MAD1L1: variants seen among roughly 807,000 people sequenced by gnomAD.
The protein encoded by MAD1L1 is mitotic spindle assembly checkpoint protein MAD1.
In MAD1L1, 95 loss-of-function variants were observed where a neutral mutation model predicts 96.9. The observed-to-expected ratio is 0.98, with a 90% CI of 0.83 to 1.16. The LOEUF is 1.16. MAD1L1 is among the 50% of genes most tolerant of loss of function. MAD1L1 has a pLI of 0.00. For synonymous variants in MAD1L1, 473 were observed against 396.6 expected, an observed-to-expected ratio of 1.19 and a Z score of -2.29; for missense variants, 1,007 against 954.4, an observed-to-expected ratio of 1.06 and a Z score of -0.73.
chr7:2,037,188 GTCT>G (rs1464741276), intron 12 of MAD1L1, among the ~76,000 whole-genome samples: 1 of 150,036 alleles, frequency 6.7e-6, no homozygotes, highest in Non-Finnish European at 1.5e-5. Flanking sequence ...CTCCTTCTTT[GTCT>G]TCTTAATAGA....
chr7:2,007,686 G>A (rs1442945703), intron 13 of MAD1L1, among the ~76,000 whole-genome samples: 1 of 151,968 alleles, frequency 6.6e-6, no homozygotes, highest in African/African-American at 2.4e-5. Flanking sequence ...CACTGTCCCC[G>A]CCAAAAAAAG....
chr7:2,019,668 C>T (rs557785440), intron 12 of MAD1L1, among the ~76,000 whole-genome samples: 1 of 152,234 alleles, frequency 6.6e-6, no homozygotes, highest in Admixed American at 6.5e-5. Context: ...AGCCACCCCC[C>T]ACACAAGGCC....
chr7:2,162,722 A>AC (rs1790222359), intron 10 of MAD1L1, among the ~76,000 whole-genome samples: 1 of 151,914 alleles, frequency 6.6e-6, no homozygotes, highest in Admixed American at 6.5e-5. Flanking sequence ...AAAAAAAAAA[A>AC]AAAACGTAAT....
rs1263411500 is a variant in MAD1L1 at position 1,829,344 on chromosome 7, G to A, written c.1999-13116C>T. ...CTCCCACCCTGGTTCTCAGAGCTCT[G>A]ACCCGCCAGCTGCCATGCGTGAGCG... is the stretch of plus-strand genomic sequence containing the variant. On this transcript the variant is annotated intron_variant, in intron 18 of 18. Coordinates refer to ENST00000265854, the MANE Select transcript of MAD1L1 (RefSeq NM_001013836.2). 5 of 152,428 alleles carry A rather than the reference G, an allele frequency of 3.3e-5. No individual in the cohort carries two copies. In the East Asian group the frequency reaches 9.6e-4, roughly 29 times the overall value. 9.4% of individuals were successfully genotyped at this position (152,428 alleles called of 1,614,324 possible).
intron 12 of MAD1L1, among the ~76,000 whole-genome samples, chr7:2,015,078 A>G (rs955008445): frequency 6.6e-6 from 1 of 152,148 alleles, no homozygotes; most frequent in South Asian, 2.1e-4. Context: ...TCCCAGTCAC[A>G]CTGGGCCCAG....
At chr7:2,108,171 A>T (rs1019727708) in intron 11 of MAD1L1, among the ~76,000 whole-genome samples, 3 of 152,248 alleles carry the variant, frequency 2.0e-5, no homozygotes, top group African/African-American at 7.2e-5. Flanking sequence ...GCTGTAGCAA[A>T]TGAATTCCGG....
chr7:1,926,649 T>C (rs983619738), intron 17 of MAD1L1, among the ~76,000 whole-genome samples: 2 of 152,218 alleles, frequency 1.3e-5, no homozygotes, highest in African/African-American at 4.8e-5. Context: ...TCCCATCAAT[T>C]GATGCAGGAA....
chr7:2,064,309 C>T (rs1321531076), intron 12 of MAD1L1, among the ~76,000 whole-genome samples: 1 of 152,294 alleles, frequency 6.6e-6, no homozygotes, highest in South Asian at 2.1e-4. Context: ...GGCACAGAAA[C>T]GACCCCCAAG....
At chr7:2,159,731 C>T (rs1050073282) in intron 10 of MAD1L1, among the ~76,000 whole-genome samples, 8 of 152,214 alleles carry the variant, frequency 5.3e-5, no homozygotes, top group East Asian at 1.9e-4. Flanking sequence ...ATTAAAAGTT[C>T]GGTATAACAG....
intron 16 of MAD1L1, among the ~76,000 whole-genome samples, chr7:1,955,750 A>G (rs79937266): frequency 4.6e-5 from 7 of 152,092 alleles, no homozygotes; most frequent in African/African-American, 1.4e-4. Context: ...GATGTTGCCT[A>G]CTGGTTGTTG....
chr7:1,908,827 T>C (rs751864402), intron 17 of MAD1L1, among the ~76,000 whole-genome samples: 2 of 152,116 alleles, frequency 1.3e-5, no homozygotes, highest in Non-Finnish European at 2.9e-5. Context: ...TCCCCCAGCA[T>C]GCATTTCTCT....
At chr7:1,869,977 G>GCCCGTGCCTCC (rs1463455781) in intron 18 of MAD1L1, among the ~76,000 whole-genome samples, 9 of 152,122 alleles carry the variant, frequency 5.9e-5, no homozygotes, top group Non-Finnish European at 1.2e-4. Flanking sequence ...GGGGTGCCTC[G>GCCCGTGCCTCC]CCCGTGCCTC....
intron 17 of MAD1L1, among the ~76,000 whole-genome samples, chr7:1,912,577 G>A (rs1326647560): frequency 6.6e-6 from 1 of 152,166 alleles, no homozygotes; most frequent in Non-Finnish European, 1.5e-5. Context: ...GAGCCACCGG[G>A]ACCCTGTGCT....
At chr7:2,211,992 T>C (rs568843206) in intron 10 of MAD1L1, among the ~76,000 whole-genome samples, 1 of 152,290 alleles carries the variant, frequency 6.6e-6, no homozygotes, top group Non-Finnish European at 1.5e-5. Context: ...AGCCCCGGGC[T>C]CTGATGGCTC....
intron 11 of MAD1L1, among the ~76,000 whole-genome samples, chr7:2,100,791 T>C (rs757321669): frequency 4.6e-5 from 7 of 152,138 alleles, no homozygotes; most frequent in Non-Finnish European, 1.0e-4. Context: ...CTGAAGGGGG[T>C]TGGAGGGTGG....
chr7:2,115,308 G>A (rs1004985679), intron 11 of MAD1L1, among the ~76,000 whole-genome samples: 7 of 150,374 alleles, frequency 4.7e-5, no homozygotes, highest in South Asian at 2.1e-4. Context: ...CGGGGTCAGA[G>A]GAGGCTGGAC....
intron 17 of MAD1L1, among the ~76,000 whole-genome samples, chr7:1,918,012 G>A (rs1183484590): frequency 3.3e-5 from 5 of 152,120 alleles, no homozygotes; most frequent in Non-Finnish European, 7.4e-5. Flanking sequence ...CCCAGGCAGC[G>A]CTGTATCCCT....
chr7:1,894,306 C>T (rs1489098825), intron 18 of MAD1L1, among the ~76,000 whole-genome samples: 3 of 152,148 alleles, frequency 2.0e-5, no homozygotes, highest in South Asian at 2.1e-4. Context: ...TGGGAAGAGT[C>T]GGCTTACAGG....
intron 11 of MAD1L1, among the ~76,000 whole-genome samples, chr7:2,145,563 G>A (rs1284525086): frequency 6.6e-6 from 1 of 152,238 alleles, no homozygotes; most frequent in East Asian, 1.9e-4. Context: ...CTTGCTCCAG[G>A]CTGGTTGGTG....
Sources: allele counts gnomAD v4.1 joint callset (sites outside exome capture counted in the v4.1 genomes callset), GRCh38; gene constraint gnomAD v4.1.1; transcripts MANE v1.5; gene names NCBI Gene and HGNC (gene_info 2026-07-23, HGNC 2026-07-21).